Variants in LGSN observed in about 807,000 individuals in gnomAD.
LGSN encodes the protein lengsin, lens protein with glutamine synthetase domain, also known as lengsin.
Under a neutral mutation model 19.5 loss-of-function variants are expected in LGSN, and 21 were observed. The observed-to-expected ratio is 1.07, with a 90% CI of 0.76 to 1.55. The LOEUF (loss-of-function observed/expected upper bound fraction) is 1.55. LGSN is among the 40% of genes most tolerant of loss of function. The pLI, the probability that LGSN is intolerant of heterozygous loss-of-function variation, is 0.00. For synonymous variants in LGSN, 257 were observed against 215.6 expected (o/e 1.19, Z -1.68); for missense variants, 673 against 608.5 (o/e 1.11, Z -1.12).
At chr6:63,453,779 A>G in the LGSN span, among the ~76,000 whole-genome samples, 5 of 151,840 alleles carry the variant, frequency 3.3e-5, no homozygotes, top group South Asian at 2.1e-4. Context: ...TCAGCCTCCC[A>G]AGTAGCTGGA....
the LGSN span, among the ~76,000 whole-genome samples, chr6:63,333,094 GA>G: frequency 1.3e-5 from 2 of 151,824 alleles, no homozygotes; most frequent in African/African-American, 4.8e-5. Flanking sequence ...AAAAGTGAAA[GA>G]AAAAAGCTTC....
the LGSN span, among the ~76,000 whole-genome samples, chr6:63,422,329 G>T: frequency 6.6e-6 from 1 of 152,192 alleles, no homozygotes; most frequent in Middle Eastern, 3.4e-3. Flanking sequence ...CTCCCAAATT[G>T]CTGGGATTAC....
chr6:63,281,306 TATA>T (rs1767308211), intron 3 of LGSN, 86 bp from the exon 4 acceptor site: 1 of 143,982 alleles, frequency 6.9e-6, no homozygotes, highest in Non-Finnish European at 1.3e-5. Flanking sequence ...CTAATGAAAA[TATA>T]TATATATATA....
chr6:63,454,494 A>G, the LGSN span, among the ~76,000 whole-genome samples: 1 of 122,218 alleles, frequency 8.2e-6, no homozygotes, highest in Admixed American at 9.6e-5. Context: ...TTTTTTTGAG[A>G]CAGAGTCCTG....
At chr6:63,338,561 T>G in the LGSN span, among the ~76,000 whole-genome samples, 1 of 152,178 alleles carries the variant, frequency 6.6e-6, no homozygotes. Flanking sequence ...CCTTTTTCAT[T>G]TCTAATTTTA....
chr6:63,466,923 A>G, the LGSN span, among the ~76,000 whole-genome samples: 1 of 152,204 alleles, frequency 6.6e-6, no homozygotes, highest in Non-Finnish European at 1.5e-5. Context: ...TCATATATAC[A>G]TACAAAACTT....
chr6:63,502,852 G>GT, the LGSN span, among the ~76,000 whole-genome samples: 1 of 152,152 alleles, frequency 6.6e-6, no homozygotes, highest in South Asian at 2.1e-4. Flanking sequence ...AGCCAGAAAA[G>GT]TTGTGAGATC....
the LGSN span, among the ~76,000 whole-genome samples, chr6:63,505,629 G>GAAATAAAT: frequency 0.011 from 969 of 87,894 alleles, 116 homozygotes; most frequent in African/African-American, 0.021. Context: ...AAGAAAGAAA[G>GAAATAAAT]AAAGAAATTC....
the LGSN span, among the ~76,000 whole-genome samples, chr6:63,336,610 T>C: frequency 6.6e-6 from 1 of 150,722 alleles, no homozygotes; most frequent in African/African-American, 2.5e-5. Context: ...GTATAGATTA[T>C]ATGGAATAAT....
At chr6:63,425,053 C>A in the LGSN span, among the ~76,000 whole-genome samples, 1 of 152,122 alleles carries the variant, frequency 6.6e-6, no homozygotes, top group East Asian at 1.9e-4. Context: ...CAGGGAATTA[C>A]GGATTAAAGC....
chr6:63,349,986 C>T, the LGSN span, among the ~76,000 whole-genome samples: 19 of 152,226 alleles, frequency 1.2e-4, no homozygotes, highest in East Asian at 1.9e-3. Context: ...TATTAGAGAC[C>T]TACCCAAAGA....
chr6:63,284,464 T>C (rs1477869768), intron 3 of LGSN, among the ~76,000 whole-genome samples: 1 of 152,246 alleles, frequency 6.6e-6, no homozygotes. Flanking sequence ...CATACTGTTT[T>C]ATTTTTGTAA....
the LGSN span, among the ~76,000 whole-genome samples, chr6:63,472,480 G>A: frequency 2.0e-5 from 3 of 152,116 alleles, no homozygotes; most frequent in Admixed American, 6.6e-5. Flanking sequence ...ATGTATGAAC[G>A]GAATCTACTA....
chr6:63,480,972 T>G, the LGSN span, among the ~76,000 whole-genome samples: 4 of 30,670 alleles, frequency 1.3e-4, no homozygotes, highest in Middle Eastern at 0.019. Context: ...TATATATATA[T>G]ATATATATAT....
At chr6:63,350,114 A>G in the LGSN span, among the ~76,000 whole-genome samples, 1 of 152,272 alleles carries the variant, frequency 6.6e-6, no homozygotes, top group Non-Finnish European at 1.5e-5. Flanking sequence ...AGAAGTAATT[A>G]GCAAAAACCG....
chr6:63,419,962 T>G, the LGSN span, among the ~76,000 whole-genome samples: 24 of 125,094 alleles, frequency 1.9e-4, no homozygotes, highest in East Asian at 6.2e-3. Flanking sequence ...TCCCAGCACT[T>G]TGGGAGGCTG....
chr6:63,380,372 G>C, the LGSN span, among the ~76,000 whole-genome samples: 1 of 152,134 alleles, frequency 6.6e-6, no homozygotes, highest in Non-Finnish European at 1.5e-5. Context: ...ATTTGAATTG[G>C]TATTCTTGAT....
the LGSN span, among the ~76,000 whole-genome samples, chr6:63,439,402 G>A: frequency 6.6e-5 from 10 of 151,978 alleles, no homozygotes; most frequent in South Asian, 2.1e-3. Context: ...ACAAAAATTA[G>A]CCAGGCGTGG....
chr6:63,566,023 T>C, the LGSN span, among the ~76,000 whole-genome samples: 1 of 152,220 alleles, frequency 6.6e-6, no homozygotes, highest in Non-Finnish European at 1.5e-5. Flanking sequence ...GCCACATGCA[T>C]TTTTTGGTTT....
Sources: gnomAD v4.1 joint callset for allele counts (sites outside exome capture counted in the v4.1 genomes callset) on GRCh38, gnomAD v4.1.1 for gene constraint, MANE v1.5 for transcripts, NCBI Gene and HGNC (gene_info 2026-07-23, HGNC 2026-07-21) for gene names.